TAS2R10: variants seen among roughly 807,000 people sequenced by gnomAD.
The protein encoded by TAS2R10 is taste 2 receptor member 10.
For missense variants in TAS2R10, 385 were observed against 362.0 expected (o/e 1.06, Z -0.52); for synonymous variants, 144 against 126.6 (o/e 1.14, Z -0.92).
exon 1 of TAS2R10, chr12:10,826,248 T>A: frequency 6.2e-7 from 1 of 1,610,014 alleles, no homozygotes; most frequent in Non-Finnish European, 8.5e-7. Flanking sequence ...AAAATGAAGA[T>A]GCCTTCCACT....
exon 1 of TAS2R10, chr12:10,825,513 G>C (rs147001619): frequency 6.2e-7 from 1 of 1,613,560 alleles, no homozygotes; most frequent in Non-Finnish European, 8.5e-7. Flanking sequence ...TTGTTTTCTC[G>C]CACAGTAAAA....
At chr12:10,826,079 T>C in exon 1 of TAS2R10, 1 of 1,613,120 alleles carries the variant, frequency 6.2e-7, no homozygotes. Flanking sequence ...TATAAATCCA[T>C]CTGTAATTAT....
At chr12:10,825,631 T>A (rs754611709) in exon 1 of TAS2R10, 3 of 1,613,680 alleles carry the variant, frequency 1.9e-6, no homozygotes, top group Admixed American at 1.7e-5. Flanking sequence ...AGTCTCTCAA[T>A]CCTGTCACAT....
exon 1 of TAS2R10, chr12:10,825,348 A>G (rs770731052): frequency 2.5e-6 from 4 of 1,606,346 alleles, no homozygotes; most frequent in African/African-American, 1.3e-5. Context: ...CAAGGTGTCT[A>G]TGTGACTCTG....
rs1342413300 is a variant in TAS2R10 at position 10,826,098 on chromosome 12, T to C, written c.172A>G (p.Ile58Val). ...AATCCATCTGTAATTATTATCCATA[T>C]CAGAAAAATTCTTGAAATAGCTAAG... Residue 58 changes from isoleucine (I) to valine (V), a missense_variant, in exon 1 of 1, where the codon ATA (isoleucine) becomes GTA (valine). Physicochemically the swap from Ile to Val is conservative, Grantham distance 29. Coordinates refer to ENST00000240619, the Ensembl canonical transcript of TAS2R10. The C allele has an allele frequency of 1.9e-6, 3 of 1,613,242 alleles. No individual in the cohort carries two copies. In the Admixed American group the frequency reaches 5.0e-5, roughly 27 times the overall value.
At chr12:10,826,131 G>C in exon 1 of TAS2R10, 1 of 1,613,394 alleles carries the variant, frequency 6.2e-7, no homozygotes, top group South Asian at 1.1e-5. Flanking sequence ...AAGCCGGTGA[G>C]AATAAAGCCA....
exon 1 of TAS2R10, chr12:10,825,454 A>G (rs1190749732): frequency 6.2e-7 from 1 of 1,613,644 alleles, no homozygotes; most frequent in Non-Finnish European, 8.5e-7. Flanking sequence ...TAAATGAGTG[A>G]CCCCAGGGAT....
At chr12:10,825,783 C>G (rs757252183) in exon 1 of TAS2R10, 5 of 1,613,242 alleles carry the variant, frequency 3.1e-6, no homozygotes, top group Non-Finnish European at 4.2e-6. Flanking sequence ...ATGTTGAGAT[C>G]CCAGACTGTG....
At chr12:10,826,197 C>T in exon 1 of TAS2R10, 2 of 1,613,320 alleles carry the variant, frequency 1.2e-6, no homozygotes, top group South Asian at 1.1e-5. Flanking sequence ...CCAATAAATC[C>T]ATTCCCCAAA....
rs200007021 is a variant in TAS2R10 at position 10,825,728 on chromosome 12, C to G, written c.542G>C (p.Gly181Ala). Residue 181 changes from glycine (G) to alanine (A), a missense_variant, in exon 1 of 1, where the codon GGA (glycine) becomes GCA (alanine). Physicochemically the swap from Gly to Ala is moderately conservative, Grantham distance 60 (BLOSUM62 0). Transcript: ENST00000240619. ...GGATAGTGTAAAGAAGAAAATGACT[C>G]CCAGATTTAGCAAAATCTGTTTAAT... The G allele has an allele frequency of 2.8e-5, 45 of 1,613,356 alleles. 1 individual carries two copies. The East Asian group carries it at 4.2e-4, about 15-fold the overall frequency.
chr12:10,825,712 AAAG>A, exon 1 of TAS2R10: 1 of 1,613,596 alleles, frequency 6.2e-7, no homozygotes, highest in Non-Finnish European at 8.5e-7. Context: ...GGGATAGTGT[AAAG>A]AAGAAAATGA....
At position 10,826,155 on chromosome 12, in the gene TAS2R10, T is replaced by G. The variant is rs752799013; in HGVS notation, c.115A>C (p.Lys39Gln). ...AGAATAAAGCCAATCGTAGATAACT[T>G]ATTCTTGGCACAGTCAATGCAGTTT... The change falls in exon 1 of 1, where the codon AAG (lysine) becomes CAG (glutamine). Residue 39 changes from lysine to glutamine, a missense_variant. By Grantham distance (53) the Lys-to-Gln change is moderately conservative. Transcript: ENST00000240619. 1.9e-6 allele frequency: 3 copies of G among 1,613,538 alleles called. No individual in the cohort carries two copies. The Admixed American group carries it at 5.0e-5, about 27-fold the overall frequency.
chr12:10,826,349 G>A (rs933136536), exon 1 of TAS2R10: 15 of 1,014,534 alleles, frequency 1.5e-5, no homozygotes, highest in East Asian at 5.0e-5. Context: ...TTGGCTGCTC[G>A]ACGGAAGTGT....
exon 1 of TAS2R10, chr12:10,825,541 C>T: frequency 3.1e-6 from 5 of 1,613,610 alleles, no homozygotes; most frequent in Non-Finnish European, 4.2e-6. Flanking sequence ...TTTCTATGGC[C>T]ATGCCTATAA....
chr12:10,825,883 A>G (rs773554924), exon 1 of TAS2R10: 3 of 1,613,420 alleles, frequency 1.9e-6, no homozygotes, highest in South Asian at 2.2e-5. Flanking sequence ...TCATGAAGGG[A>G]AGAACCATAT....
At chr12:10,826,095 A>G (rs1565420802) in exon 1 of TAS2R10, 2 of 1,613,346 alleles carry the variant, frequency 1.2e-6, no homozygotes, top group Admixed American at 3.3e-5. Flanking sequence ...ATTATTATCC[A>G]TATCAGAAAA....
At chr12:10,825,529 T>C in exon 1 of TAS2R10, 2 of 1,613,780 alleles carry the variant, frequency 1.2e-6, no homozygotes, top group South Asian at 1.1e-5. Flanking sequence ...TAAAACATGA[T>C]ATTTCTATGG....
chr12:10,825,874 C>A, exon 1 of TAS2R10: 1 of 1,613,250 alleles, frequency 6.2e-7, no homozygotes, highest in East Asian at 2.2e-5. Context: ...AGAATACTAT[C>A]ATGAAGGGAA....
rs189494856 is a variant in TAS2R10, at chr12:10,826,348, C to T, written c.-79G>A. On this transcript the variant is annotated 5_prime_UTR_variant, in exon 1 of 1. Transcript: ENST00000240619. ...CAGAATGAGGCATATATTGGCTGCT[C>T]GACGGAAGTGTGACTTTCTTCTCTT... 285 of 1,024,774 alleles carry T rather than the reference C, an allele frequency of 2.8e-4. No individual in the cohort carries two copies. The East Asian group carries it at 6.5e-3, about 23-fold the overall frequency. The allele number at this position is 1,024,774 out of a possible 1,614,324, so 63.5% of individuals were successfully genotyped here.
Sources: gnomAD v4.1 joint callset for allele counts on GRCh38, gnomAD v4.1.1 for gene constraint, MANE v1.5 for transcripts, NCBI Gene and HGNC (gene_info 2026-07-23, HGNC 2026-07-21) for gene names.